The following TRAPPC11 variants were observed in gnomAD, a reference collection of about 807,000 sequenced individuals.
TRAPPC11 encodes the protein trafficking protein particle complex subunit 11.
TRAPPC11 carries 104 observed loss-of-function variants against 151.2 expected under a neutral mutation model. The observed-to-expected ratio is 0.69, with a 90% CI of 0.59 to 0.81. TRAPPC11 has a LOEUF of 0.81. Among genes scored for constraint, TRAPPC11 ranks in the 30% least tolerant of loss-of-function variants. The pLI is 0.00. For synonymous variants in TRAPPC11, 456 were observed against 472.3 expected, an observed-to-expected ratio of 0.97 and a Z score of 0.45; for missense variants, 1,230 against 1,349.6, an observed-to-expected ratio of 0.91 and a Z score of 1.39.
intron 18 of TRAPPC11, among the ~76,000 whole-genome samples, chr4:183,689,749 T>C (rs1425339648): frequency 6.6e-6 from 1 of 151,034 alleles, no homozygotes; most frequent in East Asian, 2.0e-4. Context: ...ACTCTTATTT[T>C]ACTTTTCCCT....
In TRAPPC11 at chr4:183,665,091, CTTTTTTTTTT is replaced by C. The variant is rs66913932; in HGVS notation, c.204+1032_204+1041del. On this transcript the variant is annotated intron_variant, in intron 2 of 29. Coordinates refer to ENST00000334690, the MANE Select transcript of TRAPPC11 (RefSeq NM_021942.6). ...TCACACGATTATTTTTCTTTTCTTT[CTTTTTTTTTT>C]TTTTTTTTTTTGAGACGGAGTCTCG... Among the ~76,000 whole-genome samples, 37 of 106,436 alleles carry C rather than the reference CTTTTTTTTTT, an allele frequency of 3.5e-4. 1 individual carries two copies. Among genetic ancestry groups the C allele is most frequent in the African/African-American group, 1.1e-3 (31 of 27,408 alleles). The allele number at this position is 106,436 out of a possible 152,430, so 69.8% of individuals were successfully genotyped here. A position where few individuals can be genotyped will look rare whatever the true frequency, so the allele number is the denominator to read the frequency against.
intron 20 of TRAPPC11, 146 bp from the exon 21 acceptor site, chr4:183,693,443 C>T (rs748787133): frequency 2.8e-4 from 237 of 855,800 alleles, no homozygotes; most frequent in Non-Finnish European, 2.2e-4. Context: ...TGGGCTCAAG[C>T]GATCCTCCTG....
Position 183,680,227 on chromosome 4 carries a change from AGG to A in TRAPPC11, c.1074_1075del (p.Glu359AlafsTer10). 6.2e-7 allele frequency: 1 copy of A among 1,614,132 alleles called. No homozygotes were observed. The highest frequency in any genetic ancestry group is 1.1e-5 in the South Asian group (1 of 91,084). On this transcript the variant is annotated frameshift_variant, in exon 10 of 30. Coordinates refer to ENST00000334690, the MANE Select transcript of TRAPPC11 (RefSeq NM_021942.6). LOFTEE classifies it high-confidence loss of function. ...TACCAGCAGGCAGCATACTATGCCCAGGAGCGGAAACAGCTTGCAAAAACCCT... is the reference window on the plus strand; with the variant it reads ...TACCAGCAGGCAGCATACTATGCCCAAGCGGAAACAGCTTGCAAAAACCCT...
intron 26 of TRAPPC11, among the ~76,000 whole-genome samples, chr4:183,702,247 G>C (rs565305961): frequency 1.6e-4 from 24 of 152,078 alleles, no homozygotes; most frequent in African/African-American, 5.3e-4. Flanking sequence ...AGGAGGCTGA[G>C]GGGGGAGGAT....
intron 5 of TRAPPC11, among the ~76,000 whole-genome samples, chr4:183,669,722 AG>A (rs1735056907): frequency 1.3e-5 from 2 of 152,196 alleles, no homozygotes. Context: ...CACACTCTAC[AG>A]CGTACAGGAC....
chr4:183,710,767 G>A (rs1009797746), intron 29 of TRAPPC11, among the ~76,000 whole-genome samples: 2 of 151,172 alleles, frequency 1.3e-5, no homozygotes, highest in Non-Finnish European at 2.9e-5. Context: ...GGTGGCTCAC[G>A]CCTGTAATCC....
At chr4:183,675,598 C>T (rs1275387881) in intron 7 of TRAPPC11, 1 of 154,328 alleles carries the variant, frequency 6.5e-6, no homozygotes, top group Non-Finnish European at 1.4e-5. Context: ...CTTTGTTTTT[C>T]CAAAATAAAT....
chr4:183,669,319 A>G (rs1735032463), intron 5 of TRAPPC11, among the ~76,000 whole-genome samples: 1 of 152,188 alleles, frequency 6.6e-6, no homozygotes, highest in African/African-American at 2.4e-5. Flanking sequence ...AGAGAGGGGC[A>G]GCTGGTAGCA....
rs1354953618 is a variant in TRAPPC11, at chr4:183,701,190, A to G, written c.2852-507A>G. The G allele has an allele frequency of 2.0e-5, 3 of 153,084 alleles. No individual in the cohort carries two copies. The East Asian group carries it at 5.7e-4, about 29-fold the overall frequency. The allele number at this position is 153,084 out of a possible 1,614,324, so 9.5% of individuals were successfully genotyped here. ...CCTTTGCGTGTCATGTTGGCACTCA[A>G]AACATTTCAGATTTTGAAGCATTTT... On this transcript the variant is annotated intron_variant, in intron 25 of 29. Coordinates refer to ENST00000334690, the MANE Select transcript of TRAPPC11 (RefSeq NM_021942.6).
intron 5 of TRAPPC11, among the ~76,000 whole-genome samples, 169 bp downstream of exon 5, chr4:183,668,286 C>T (rs932798496): frequency 5.3e-5 from 8 of 152,066 alleles, no homozygotes; most frequent in African/African-American, 1.9e-4. Flanking sequence ...TCTTAACCCT[C>T]TCCAATTCCC....
intron 5 of TRAPPC11, among the ~76,000 whole-genome samples, chr4:183,670,025 T>C (rs1414139638): frequency 1.3e-5 from 2 of 152,208 alleles, no homozygotes; most frequent in African/African-American, 4.8e-5. Flanking sequence ...GATAGTCCAT[T>C]GGAGATGAGG....
intron 22 of TRAPPC11, 74 bp downstream of exon 22, chr4:183,694,112 A>T: frequency 6.6e-7 from 1 of 1,516,642 alleles, no homozygotes; most frequent in South Asian, 1.2e-5. Context: ...AGTTTTTAAC[A>T]GTTCAGAGCG....
intron 1 of TRAPPC11, among the ~76,000 whole-genome samples, chr4:183,661,899 C>A (rs1004005338): frequency 6.6e-6 from 1 of 151,524 alleles, no homozygotes; most frequent in Admixed American, 6.6e-5. Context: ...GTGGCTGGGA[C>A]TACAAGTGAG....
chr4:183,694,141 G>C, intron 22 of TRAPPC11, 103 bp downstream of exon 22: 1 of 1,226,096 alleles, frequency 8.2e-7, no homozygotes. Flanking sequence ...CATATTCTAG[G>C]ACTGAAAAAG....
chr4:183,666,257 A>G lies in TRAPPC11; in HGVS notation c.205A>G (p.Arg69Gly), dbSNP rs1579158761. The change falls in exon 3 of 30, where the codon AGA becomes GGA. Residue 69 changes from arginine to glycine, a missense_variant and splice_region_variant. Physicochemically the swap from Arg to Gly is moderately radical, Grantham distance 125. Coordinates refer to ENST00000334690, the MANE Select transcript of TRAPPC11 (RefSeq NM_021942.6). ...DHEYPKCRPK[R>G]TSYEWYIPKG... ...TTTCAATTTCTGCCAATGTTTGCAG[A>G]GAACTTCATATGAGTGGTACATTCC... The G allele has an allele frequency of 6.2e-7, 1 of 1,608,492 alleles. No individual in the cohort carries two copies.
In TRAPPC11 at chr4:183,705,048, TA is replaced by T; in HGVS notation, c.3034del (p.Ile1012SerfsTer5). 2 of 1,592,952 alleles carry T rather than the reference TA, an allele frequency of 1.3e-6. No individual in the cohort carries two copies. Among genetic ancestry groups the T allele is most frequent in the Non-Finnish European group, 1.7e-6 (2 of 1,165,130 alleles). On this transcript the variant is annotated frameshift_variant, in exon 27 of 30. Coordinates refer to ENST00000334690, the MANE Select transcript of TRAPPC11 (RefSeq NM_021942.6). LOFTEE classifies it high-confidence loss of function. ...ITLPHVIVEN[I>X]PLHVNADLPS... ...CTCTGCCGCACGTGATTGTGGAGAA[TA>T]TCCCTCTCCATGTGAATGCAGGTAG...
In TRAPPC11 at chr4:183,666,373, G is replaced by A; in HGVS notation, c.321G>A (p.Glu107=). ...TGTTCTATGAACTGGACTGGGATGA[G>A]CCTCAGTGGAAAGAAAAGCAGTCTG... ...VVVFYELDWD[E]PQWKEKQSEC... is the part of the protein sequence containing the mutation. Residue 107 remains glutamate, a synonymous_variant, in exon 3 of 30, where the codon GAG becomes GAA. Transcript: ENST00000334690. 6.2e-7 allele frequency: 1 copy of A among 1,614,076 alleles called. No homozygotes were observed. The highest frequency in any genetic ancestry group is 2.2e-5 in the East Asian group (1 of 44,882).
chr4:183,662,481 G>A (rs898232676), intron 1 of TRAPPC11, among the ~76,000 whole-genome samples: 4 of 151,924 alleles, frequency 2.6e-5, no homozygotes, highest in African/African-American at 4.8e-5. Context: ...CAGGGCATAC[G>A]TTAGATTTAT....
At chr4:183,710,480 G>A (rs1579234326) in intron 29 of TRAPPC11, among the ~76,000 whole-genome samples, 1 of 151,566 alleles carries the variant, frequency 6.6e-6, no homozygotes, top group East Asian at 2.0e-4. Flanking sequence ...TAGATACGGG[G>A]TTTCACCATG....
Sources: allele counts gnomAD v4.1 joint callset (sites outside exome capture counted in the v4.1 genomes callset), GRCh38; gene constraint gnomAD v4.1.1; transcripts MANE v1.5; gene names NCBI Gene and HGNC (gene_info 2026-07-23, HGNC 2026-07-21).